NUP153: variants seen among roughly 807,000 people sequenced by gnomAD.
NUP153 encodes nucleoporin 153.
NUP153 carries 27 observed loss-of-function variants against 134.6 expected under a neutral mutation model. The ratio of observed to expected loss-of-function variants is 0.20; its 90% CI spans 0.15 to 0.28. The LOEUF (loss-of-function observed/expected upper bound fraction) is 0.28, where lower values mean the gene tolerates loss of function less well. Among genes scored for constraint, NUP153 ranks in the 10% least tolerant of loss-of-function variants. The pLI is 1.00. For missense variants in NUP153, 1,821 were observed against 1,731.3 expected (o/e 1.05, Z -0.92); for synonymous variants, 640 against 623.5 (o/e 1.03, Z -0.40).
chr6:17,672,635 T>C (rs1013794003), intron 5 of NUP153, among the ~76,000 whole-genome samples: 1 of 152,088 alleles, frequency 6.6e-6, no homozygotes, highest in Non-Finnish European at 1.5e-5. Context: ...GAACAGTCTT[T>C]TTAACAAATA....
chr6:17,647,917 A>G lies in NUP153; in HGVS notation c.1534-12T>C, dbSNP rs1228070608. The stretch of plus-strand genomic sequence containing the variant: ...GAGGTCATTTGTACCTGGTTTTCCA[A>G]ATTATTAAGAAATGATACAAAAAGA... On this transcript the variant is annotated splice_polypyrimidine_tract_variant and intron_variant, in intron 12 of 21. Transcript: ENST00000262077. The G allele has an allele frequency of 6.5e-7, 1 of 1,544,674 alleles. No individual in the cohort carries two copies. The highest frequency in any genetic ancestry group is 8.9e-7 in the Non-Finnish European group (1 of 1,123,728).
In NUP153 at chr6:17,626,064, G is replaced by C. The variant is rs748019112; in HGVS notation, c.3645C>G (p.Ser1215=). Residue 1215 remains serine (S), a synonymous_variant, in exon 19 of 22, where the codon TCC becomes TCG. Transcript: ENST00000262077. Reference sequence around the variant, plus strand: ...CCACAGGTGGATTGGAGGAAGAGGTGGAACTACCAAATATGCCACCACCAG... The same window carrying C: ...CCACAGGTGGATTGGAGGAAGAGGTCGAACTACCAAATATGCCACCACCAG... ...TSAGGGIFGS[S]TSSSNPPVAT... The C allele has an allele frequency of 6.8e-6, 11 of 1,613,974 alleles. No individual in the cohort carries two copies. Among genetic ancestry groups the C allele is most frequent in the African/African-American group, 1.3e-5 (1 of 74,934 alleles).
At chr6:17,624,868 T>C (rs1764850155) in intron 19 of NUP153, 35 bp from the exon 20 acceptor site, 2 of 1,521,036 alleles carry the variant, frequency 1.3e-6, no homozygotes, top group Non-Finnish European at 1.8e-6. Context: ...GTCACCATGG[T>C]GGCTAATGTC....
At chr6:17,627,679 C>T (rs1765015143) in intron 18 of NUP153, among the ~76,000 whole-genome samples, 1 of 152,170 alleles carries the variant, frequency 6.6e-6, no homozygotes, top group Non-Finnish European at 1.5e-5. Context: ...TATTTAAACA[C>T]ATTTGGCTAG....
Position 17,625,332 on chromosome 6 carries a change from C to T in NUP153, c.3901+476G>A, listed in dbSNP as rs529694438. Among the ~76,000 whole-genome samples, 20 of 152,152 alleles carry T rather than the reference C, an allele frequency of 1.3e-4. No homozygotes were observed. Among genetic ancestry groups the T allele is most frequent in the Admixed American group, 4.6e-4 (7 of 15,278 alleles). ...CGGGCAAATCATGAGGTCAGGAATT[C>T]GAGCCTGGCCAACATGGTAAAACCC... is the stretch of plus-strand genomic sequence containing the variant. On this transcript the variant is annotated intron_variant, in intron 19 of 21. Coordinates refer to ENST00000262077, the MANE Select transcript of NUP153 (RefSeq NM_005124.4). This position sits in a 1 kb window ranked among gnomAD's most constrained non-coding sequence, Gnocchi z 4.7.
intron 8 of NUP153, among the ~76,000 whole-genome samples, chr6:17,666,325 T>G (rs886730379): frequency 6.6e-6 from 1 of 151,852 alleles, no homozygotes; most frequent in Non-Finnish European, 1.5e-5. Context: ...GAGACCAGCC[T>G]GGCCAACATG....
At position 17,628,920 on chromosome 6, in the gene NUP153, T is replaced by C. The variant is rs1228278304; in HGVS notation, c.3279A>G (p.Pro1093=). The C allele has an allele frequency of 5.0e-6, 8 of 1,614,122 alleles. No homozygotes were observed. The highest frequency in any genetic ancestry group is 2.2e-5 in the South Asian group (2 of 91,088). The change falls in exon 18 of 22, where the codon CCA becomes CCG. Residue 1093 remains proline, a synonymous_variant. Transcript: ENST00000262077. This position sits in a 1 kb window ranked among gnomAD's most constrained non-coding sequence, Gnocchi z 5.4. ...SFGNVEPASL[P]SASVFVLGRT... ...TTCCCAAAACAAACACTGAGGCAGA[T>C]GGCAGAGAGGCAGGCTCCACGTTGC... is the stretch of plus-strand genomic sequence containing the variant.
At chr6:17,677,490 T>G (rs61278837) in intron 2 of NUP153, among the ~76,000 whole-genome samples, 1,876 of 152,208 alleles carry the variant, frequency 0.012, 40 homozygotes, top group African/African-American at 0.042. Context: ...CATTTAGCAT[T>G]ACAAGACTTT....
At chr6:17,645,242 CA>C (rs1010515280) in intron 14 of NUP153, among the ~76,000 whole-genome samples, 5,800 of 68,784 alleles carry the variant, frequency 0.084, 147 homozygotes, top group African/African-American at 0.15. Context: ...GACTCTGTCT[CA>C]AAAAAAAAAA....
chr6:17,621,540 T>C (rs1266001614), intron 20 of NUP153, among the ~76,000 whole-genome samples: 1 of 152,226 alleles, frequency 6.6e-6, no homozygotes, highest in Non-Finnish European at 1.5e-5. Context: ...TAACATCTTG[T>C]CATTTACTAC....
At chr6:17,643,107 C>T (rs1453798693) in intron 14 of NUP153, among the ~76,000 whole-genome samples, 6 of 152,124 alleles carry the variant, frequency 3.9e-5, no homozygotes, top group Admixed American at 3.3e-4. Context: ...GGCTGCACAA[C>T]GCTGTCAAGG....
rs552587337 is a variant in NUP153 at position 17,628,068 on chromosome 6, T to G, written c.3544+587A>C. 6.6e-6 allele frequency among the ~76,000 whole-genome samples: 1 copy of G among 152,338 alleles called. No homozygotes were observed. Among genetic ancestry groups the G allele is most frequent in the East Asian group, 1.9e-4 (1 of 5,168 alleles). On this transcript the variant is annotated intron_variant, in intron 18 of 21. Coordinates refer to ENST00000262077, the MANE Select transcript of NUP153 (RefSeq NM_005124.4). This position sits in a 1 kb window ranked among gnomAD's most constrained non-coding sequence, Gnocchi z 5.4. The stretch of plus-strand genomic sequence containing the variant: ...AAATTCTAGTTCACTAATCTGATTA[T>G]CAGCTATGAAGTTCTTCCTGCTATT...
At chr6:17,631,381 G>A (rs978329277) in intron 17 of NUP153, among the ~76,000 whole-genome samples, 15 of 152,134 alleles carry the variant, frequency 9.9e-5, no homozygotes, top group African/African-American at 3.6e-4. Context: ...TAAATTTAAG[G>A]ATTACCAGTG....
intron 1 of NUP153, among the ~76,000 whole-genome samples, chr6:17,701,848 A>AGG (rs1561917012): frequency 8.9e-5 from 8 of 90,348 alleles, no homozygotes; most frequent in African/African-American, 1.6e-4. Flanking sequence ...GGGGGGGAAA[A>AGG]AAGCTAAATG....
At chr6:17,691,434 A>C (rs76802122) in intron 1 of NUP153, among the ~76,000 whole-genome samples, 2,937 of 152,290 alleles carry the variant, frequency 0.019, 95 homozygotes, top group African/African-American at 0.066. Flanking sequence ...TCCATACTTC[A>C]AGACTTGAAA....
chr6:17,700,143 C>T (rs1271168500), intron 1 of NUP153, among the ~76,000 whole-genome samples: 1 of 152,048 alleles, frequency 6.6e-6, no homozygotes, highest in East Asian at 1.9e-4. Context: ...GACCCTAAAT[C>T]AGGAGACTAA....
chr6:17,637,884 A>C (rs1765642418), intron 15 of NUP153, 114 bp from the exon 16 acceptor site: 1 of 1,119,850 alleles, frequency 8.9e-7, no homozygotes, highest in Non-Finnish European at 1.2e-6. Flanking sequence ...ACTACAATCC[A>C]AGATGAACTA....
intron 1 of NUP153, among the ~76,000 whole-genome samples, 193 bp from the exon 2 acceptor site, chr6:17,688,811 T>A (rs955086332): frequency 6.6e-6 from 1 of 152,172 alleles, no homozygotes; most frequent in African/African-American, 2.4e-5. Flanking sequence ...CTTTCTTCTA[T>A]ATGCATACAT....
rs757499762 is a variant in NUP153 at position 17,675,759 on chromosome 6, T to C, written c.346A>G (p.Thr116Ala). Reference sequence around the variant, plus strand: ...TCTGGATAATTTGAAGCAGTACTAGTTGTTGAAGGTTCTTAAAAGAAAAGC... The same window carrying C: ...TCTGGATAATTTGAAGCAGTACTAGCTGTTGAAGGTTCTTAAAAGAAAAGC... ...AVSNTEEPST[T>A]STASNYPDVL... is the part of the protein sequence containing the mutation. The change falls in exon 3 of 22, where the codon ACT becomes GCT. Residue 116 changes from threonine (T) to alanine (A), a missense_variant. Transcript: ENST00000262077. The surrounding 1 kb of genome is among the most constrained non-coding windows in gnomAD (Gnocchi z 4.4). 17 of 1,613,332 alleles carry C rather than the reference T, an allele frequency of 1.1e-5. No homozygotes were observed. Among genetic ancestry groups the C allele is most frequent in the Non-Finnish European group, 1.4e-5 (16 of 1,179,238 alleles).
Sources: allele counts gnomAD v4.1 joint callset (sites outside exome capture counted in the v4.1 genomes callset), GRCh38; gene constraint gnomAD v4.1.1; non-coding constraint Gnocchi (gnomAD v3.1); transcripts MANE v1.5; gene names NCBI Gene and HGNC (gene_info 2026-07-23, HGNC 2026-07-21).